The following STX8 variants were observed in gnomAD, a reference collection of about 807,000 sequenced individuals.
STX8 encodes syntaxin 8.
In STX8, 23 loss-of-function variants were observed where a neutral mutation model predicts 37.5. The observed-to-expected ratio is 0.61, with a 90% CI of 0.44 to 0.87. STX8 has a LOEUF of 0.87. Ranked by LOEUF, STX8 falls within the 40% of genes least tolerant of loss-of-function variation. The pLI is 0.00. For missense variants in STX8, 313 were observed against 284.7 expected (o/e 1.10, Z -0.71); for synonymous variants, 115 against 99.1 (o/e 1.16, Z -0.95).
Position 9,491,917 on chromosome 17 carries a change from C to T in STX8, c.453G>A (p.Gln151=). The T allele has an allele frequency of 6.2e-7, 1 of 1,605,284 alleles. No homozygotes were observed. The highest frequency in any genetic ancestry group is 1.7e-5 in the Admixed American group (1 of 57,954). Residue 151 remains glutamine, a synonymous_variant, in exon 6 of 8, where the codon CAG becomes CAA. Coordinates refer to ENST00000306357, the MANE Select transcript of STX8 (RefSeq NM_004853.3). Reference sequence around the variant, plus strand: ...AGGAAAGGGCATCAAGGCCTGCGTCCTGTTCTGAAAGAAAAAAGAAAAATA... The same window carrying T: ...AGGAAAGGGCATCAAGGCCTGCGTCTTGTTCTGAAAGAAAAAAGAAAAATA... The part of the protein sequence containing the change: ...RQQQQKIIQE[Q]DAGLDALSSI...
chr17:9,363,969 G>A (rs933913663), intron 7 of STX8, among the ~76,000 whole-genome samples: 4 of 152,142 alleles, frequency 2.6e-5, no homozygotes, highest in Admixed American at 1.3e-4. Context: ...AAGCTGAAGC[G>A]TCAACGTTTG....
At chr17:9,572,564 C>A (rs892687051) in intron 1 of STX8, among the ~76,000 whole-genome samples, 4 of 152,130 alleles carry the variant, frequency 2.6e-5, no homozygotes, top group Admixed American at 2.6e-4. Context: ...TACACACCAA[C>A]ATGCCCAGCT....
intron 6 of STX8, among the ~76,000 whole-genome samples, chr17:9,468,261 C>CA (rs1296223353): frequency 5.3e-5 from 8 of 152,002 alleles, no homozygotes; most frequent in Non-Finnish European, 8.8e-5. Context: ...AGGCGTGCAC[C>CA]ACCGCACCCG....
chr17:9,314,638 G>C (rs1195982485), intron 7 of STX8, among the ~76,000 whole-genome samples: 1 of 148,828 alleles, frequency 6.7e-6, no homozygotes, highest in Non-Finnish European at 1.5e-5. Flanking sequence ...TCGATCTCCT[G>C]ACCTAGTGAT....
At chr17:9,320,946 C>CAA (rs536883769) in intron 7 of STX8, among the ~76,000 whole-genome samples, 17 of 87,202 alleles carry the variant, frequency 1.9e-4, no homozygotes, top group Non-Finnish European at 2.0e-4. Context: ...ACGGGGCCTC[C>CAA]AAAAAAAAAA....
intron 4 of STX8, among the ~76,000 whole-genome samples, chr17:9,516,321 A>G (rs1597719584): frequency 8.3e-6 from 1 of 121,042 alleles, no homozygotes; most frequent in East Asian, 2.4e-4. Flanking sequence ...ATATATATAT[A>G]TATATATATA....
At chr17:9,412,145 G>A (rs1245779520) in intron 6 of STX8, among the ~76,000 whole-genome samples, 3 of 152,128 alleles carry the variant, frequency 2.0e-5, no homozygotes, top group Non-Finnish European at 4.4e-5. Flanking sequence ...GGAACACAGT[G>A]GTAAGATGTT....
intron 7 of STX8, among the ~76,000 whole-genome samples, chr17:9,284,373 G>A (rs1052764417): frequency 6.6e-6 from 1 of 152,184 alleles, no homozygotes; most frequent in Non-Finnish European, 1.5e-5. Flanking sequence ...AGCAAAAAAG[G>A]TTAGGTTTAA....
chr17:9,496,995 G>A (rs573292347), intron 5 of STX8, among the ~76,000 whole-genome samples: 10 of 152,260 alleles, frequency 6.6e-5, no homozygotes, highest in Middle Eastern at 3.4e-3. Context: ...CTAAGTTTGT[G>A]CTAATTTATT....
At chr17:9,324,765 CAAAAAAA>C (rs534392223) in intron 7 of STX8, among the ~76,000 whole-genome samples, 7 of 45,944 alleles carry the variant, frequency 1.5e-4, no homozygotes, top group East Asian at 1.4e-3. Flanking sequence ...AACTCCATCT[CAAAAAAA>C]AAAAAAAAAA....
At chr17:9,533,422 G>A (rs9911534) in intron 4 of STX8, among the ~76,000 whole-genome samples, 68,734 of 152,022 alleles carry the variant, frequency 0.45, 15,836 homozygotes, top group South Asian at 0.67. Flanking sequence ...AGCCAAGATC[G>A]TGCCACTGCT....
At chr17:9,465,146 A>G (rs1409900978) in intron 6 of STX8, among the ~76,000 whole-genome samples, 1 of 150,912 alleles carries the variant, frequency 6.6e-6, no homozygotes, top group Non-Finnish European at 1.5e-5. Flanking sequence ...CTCCTTTCTC[A>G]CCAAAAACAC....
intron 6 of STX8, among the ~76,000 whole-genome samples, chr17:9,382,428 ATTT>A (rs144905598): frequency 6.6e-6 from 1 of 151,984 alleles, no homozygotes; most frequent in Admixed American, 6.6e-5. Context: ...ATCACGCAAG[ATTT>A]TTTTTCTTTT....
intron 7 of STX8, among the ~76,000 whole-genome samples, chr17:9,331,218 A>G (rs1437672137): frequency 6.6e-6 from 1 of 152,172 alleles, no homozygotes; most frequent in Non-Finnish European, 1.5e-5. Flanking sequence ...CAGCATATGT[A>G]CATATATCAC....
At chr17:9,276,985 G>A (rs575431344) in intron 7 of STX8, among the ~76,000 whole-genome samples, 1 of 149,260 alleles carries the variant, frequency 6.7e-6, no homozygotes, top group African/African-American at 2.5e-5. Context: ...GCCCAGGCTG[G>A]AGTGCAGTGG....
At chr17:9,546,689 C>G (rs1274514284) in intron 3 of STX8, among the ~76,000 whole-genome samples, 2 of 149,558 alleles carry the variant, frequency 1.3e-5, no homozygotes, top group Admixed American at 1.3e-4. Flanking sequence ...CCTCCGCCAC[C>G]CGGGTTCAAG....
intron 2 of STX8, among the ~76,000 whole-genome samples, chr17:9,565,854 C>T (rs1907439117): frequency 6.6e-6 from 1 of 152,118 alleles, no homozygotes; most frequent in Admixed American, 6.6e-5. Context: ...TCTATAAAAA[C>T]CCTGGAAGAC....
intron 6 of STX8, among the ~76,000 whole-genome samples, chr17:9,440,402 T>C (rs1904598923): frequency 6.6e-6 from 1 of 152,176 alleles, no homozygotes; most frequent in Non-Finnish European, 1.5e-5. Flanking sequence ...TCCCCTGCTT[T>C]TCATTCTCAT....
At chr17:9,328,322 G>A (rs1172757660) in intron 7 of STX8, among the ~76,000 whole-genome samples, 1 of 152,044 alleles carries the variant, frequency 6.6e-6, no homozygotes. Context: ...TTGGGGAAAA[G>A]GGAAGGAAGA....
Sources: allele counts gnomAD v4.1 joint callset (sites outside exome capture counted in the v4.1 genomes callset), GRCh38; gene constraint gnomAD v4.1.1; transcripts MANE v1.5; gene names NCBI Gene and HGNC (gene_info 2026-07-23, HGNC 2026-07-21).